The following BAIAP2L1 variants were observed in gnomAD, a reference collection of about 807,000 sequenced individuals.
The protein encoded by BAIAP2L1 is BAR/IMD domain-containing adapter protein 2-like 1.
A neutral mutation model predicts 66.3 loss-of-function variants in BAIAP2L1; 35 were observed. The observed-to-expected ratio is 0.53, with a 90% CI of 0.40 to 0.70. The LOEUF is 0.70. Ranked by LOEUF, BAIAP2L1 falls within the 30% of genes least tolerant of loss-of-function variation. The pLI is 0.00. For missense variants in BAIAP2L1, 622 were observed against 656.9 expected (o/e 0.95, Z 0.58); for synonymous variants, 269 against 248.7 (o/e 1.08, Z -0.77).
intron 1 of BAIAP2L1, among the ~76,000 whole-genome samples, chr7:98,366,133 G>A (rs1485406504): frequency 6.6e-6 from 1 of 152,152 alleles, no homozygotes; most frequent in African/African-American, 2.4e-5. Flanking sequence ...GTCATTGGGT[G>A]GGGGACAATC....
At chr7:98,386,624 T>C in intron 1 of BAIAP2L1, 1 of 1,413,620 alleles carries the variant, frequency 7.1e-7, no homozygotes, top group South Asian at 1.3e-5. Flanking sequence ...TCAACATTTC[T>C]ACAATGTTCT....
chr7:98,323,922 T>C (rs1317068067), intron 3 of BAIAP2L1, among the ~76,000 whole-genome samples: 1 of 152,226 alleles, frequency 6.6e-6, no homozygotes, highest in Non-Finnish European at 1.5e-5. Flanking sequence ...TCATCTTAAA[T>C]AGAGCAAGTG....
At chr7:98,361,299 G>A (rs10224123) in intron 2 of BAIAP2L1, among the ~76,000 whole-genome samples, 1 of 151,906 alleles carries the variant, frequency 6.6e-6, no homozygotes, top group South Asian at 2.1e-4. Context: ...AGAGGTTGCA[G>A]TGAGCCGAGA....
intron 1 of BAIAP2L1, among the ~76,000 whole-genome samples, chr7:98,387,361 G>A (rs544738184): frequency 1.1e-4 from 17 of 152,204 alleles, no homozygotes; most frequent in African/African-American, 3.9e-4. Context: ...AACAGCTGCG[G>A]GAAGAACTCA....
intron 10 of BAIAP2L1, chr7:98,307,134 CAG>C (rs1408993782): frequency 1.3e-5 from 2 of 158,940 alleles, no homozygotes; most frequent in African/African-American, 4.8e-5. Context: ...TTTTTTGAGA[CAG>C]AGTCTTGCTC....
chr7:98,344,035 GCTGGGTGTGGTGGGTAC>G (rs1380124773), intron 3 of BAIAP2L1, among the ~76,000 whole-genome samples: 1 of 152,166 alleles, frequency 6.6e-6, no homozygotes, highest in Non-Finnish European at 1.5e-5. Context: ...AAAAAAATCA[GCTGGGTGTGGTGGGTAC>G]CTGTAGTCCC....
chr7:98,387,312 G>A (rs1174842887), intron 1 of BAIAP2L1, among the ~76,000 whole-genome samples: 1 of 152,122 alleles, frequency 6.6e-6, no homozygotes, highest in Non-Finnish European at 1.5e-5. Flanking sequence ...GGTTTCTGGT[G>A]GTAACCATGG....
chr7:98,361,845 C>T (rs1297452938), intron 2 of BAIAP2L1, among the ~76,000 whole-genome samples: 1 of 152,100 alleles, frequency 6.6e-6, no homozygotes, highest in Non-Finnish European at 1.5e-5. Context: ...AAGCGATCAT[C>T]CCGCCACACA....
At chr7:98,372,755 T>C (rs2115770049) in intron 1 of BAIAP2L1, among the ~76,000 whole-genome samples, 1 of 109,262 alleles carries the variant, frequency 9.2e-6, no homozygotes, top group East Asian at 2.5e-4. Context: ...TTTTTTTTTT[T>C]TGAGACACAG....
intron 1 of BAIAP2L1, among the ~76,000 whole-genome samples, chr7:98,377,571 C>A (rs1802662843): frequency 6.6e-6 from 1 of 152,156 alleles, no homozygotes; most frequent in South Asian, 2.1e-4. Context: ...GTAATCCCAG[C>A]ACTTTGGGAG....
intron 2 of BAIAP2L1, among the ~76,000 whole-genome samples, chr7:98,357,562 T>C (rs1275684899): frequency 2.6e-4 from 23 of 88,010 alleles, no homozygotes; most frequent in Middle Eastern, 0.011. Context: ...TGAGACTCAG[T>C]CTCAAAAAAA....
intron 1 of BAIAP2L1, among the ~76,000 whole-genome samples, chr7:98,383,128 A>G (rs1301934485): frequency 6.6e-6 from 1 of 151,602 alleles, no homozygotes; most frequent in African/African-American, 2.4e-5. Flanking sequence ...GCGCCACCAC[A>G]CTCCAGCCTG....
chr7:98,388,800 C>T (rs1045394943), intron 1 of BAIAP2L1, among the ~76,000 whole-genome samples: 1 of 151,904 alleles, frequency 6.6e-6, no homozygotes, highest in Admixed American at 6.6e-5. Context: ...ATAGTGAAAC[C>T]CTGTCTCTAT....
At chr7:98,355,163 T>TA in intron 2 of BAIAP2L1, 35 bp from the exon 3 acceptor site, 1 of 1,460,156 alleles carries the variant, frequency 6.8e-7, no homozygotes, top group Non-Finnish European at 9.6e-7. Context: ...AATCGTCACT[T>TA]AGACAAGGAA....
chr7:98,383,645 T>C (rs906961193), intron 1 of BAIAP2L1, among the ~76,000 whole-genome samples: 5 of 152,180 alleles, frequency 3.3e-5, no homozygotes, highest in African/African-American at 9.6e-5. Flanking sequence ...GCCTCTTTTC[T>C]GGGATCTCCT....
chr7:98,343,116 G>A (rs949572714), intron 3 of BAIAP2L1, among the ~76,000 whole-genome samples: 16 of 151,854 alleles, frequency 1.1e-4, no homozygotes, highest in Admixed American at 3.3e-4. Context: ...CAGTGGGAGC[G>A]GCCAGGCGCA....
At chr7:98,357,045 ATATATTTTTTTT>A (rs1231993058) in intron 2 of BAIAP2L1, among the ~76,000 whole-genome samples, 1 of 15,650 alleles carries the variant, frequency 6.4e-5, no homozygotes, top group African/African-American at 2.2e-4. Flanking sequence ...ATATATATAT[ATATATTTTTTTT>A]TTTTTTTTTT....
intron 1 of BAIAP2L1, among the ~76,000 whole-genome samples, chr7:98,398,969 C>A (rs563254612): frequency 6.6e-6 from 1 of 152,136 alleles, no homozygotes; most frequent in African/African-American, 2.4e-5. Context: ...AATGGCCTGC[C>A]TTCCTCAATT....
intron 12 of BAIAP2L1, among the ~76,000 whole-genome samples, chr7:98,297,651 C>G (rs1800246694): frequency 6.6e-6 from 1 of 152,174 alleles, no homozygotes; most frequent in African/African-American, 2.4e-5. Context: ...TAGTTCAACC[C>G]CTTTATTCTC....
Sources: gnomAD v4.1 joint callset for allele counts (sites outside exome capture counted in the v4.1 genomes callset) on GRCh38, gnomAD v4.1.1 for gene constraint, MANE v1.5 for transcripts, NCBI Gene and HGNC (gene_info 2026-07-23, HGNC 2026-07-21) for gene names.